KCNK10: variants seen among roughly 807,000 people sequenced by gnomAD.
KCNK10 encodes the protein potassium two pore domain channel subfamily K member 10, also known as potassium channel subfamily K member 10.
Under a neutral mutation model 47.7 loss-of-function variants are expected in KCNK10, and 25 were observed. The ratio of observed to expected loss-of-function variants is 0.52; its 90% CI spans 0.38 to 0.73. KCNK10 has a LOEUF of 0.73. Ranked by LOEUF, KCNK10 falls within the 30% of genes least tolerant of loss-of-function variation. The pLI is 0.00. For synonymous variants in KCNK10, 303 were observed against 285.6 expected, an observed-to-expected ratio of 1.06 and a Z score of -0.61; for missense variants, 563 against 714.5, an observed-to-expected ratio of 0.79 and a Z score of 2.42.
chr14:88,180,622 A>G lies in KCNK10; in HGVS notation c.*4913T>C. On this transcript the variant is annotated 3_prime_UTR_variant, in exon 7 of 7. Transcript: ENST00000319231. ...TTTTCACCTAAGAATCAAGAACACA[A>G]AGTAGATACCAAATCTCAGGCACCT... is the stretch of plus-strand genomic sequence containing the variant. 2.5e-6 allele frequency: 1 copy of G among 396,694 alleles called. No individual in the cohort carries two copies. Among genetic ancestry groups the G allele is most frequent in the Non-Finnish European group, 4.4e-6 (1 of 225,204 alleles). 24.6% of individuals were successfully genotyped at this position (396,694 alleles called of 1,614,324 possible). A position where few individuals can be genotyped will look rare whatever the true frequency, so the allele number is the denominator to read the frequency against.
rs534965757 is a variant in KCNK10, at chr14:88,221,919, T to C, written c.681+5456A>G. 2.0e-5 allele frequency among the ~76,000 whole-genome samples: 3 copies of C among 152,294 alleles called. No individual in the cohort carries two copies. The East Asian group carries it at 5.8e-4, about 29-fold the overall frequency. ...TGAAAAGACATAGAGGAAACTTTTA[T>C]CCATATTTAAGTGAAATAAGCCAGT... On this transcript the variant is annotated intron_variant, in intron 4 of 6. Coordinates refer to ENST00000319231, the MANE Select transcript of KCNK10 (RefSeq NM_138317.3).
At chr14:88,216,577 G>A (rs886103056) in intron 4 of KCNK10, among the ~76,000 whole-genome samples, 1 of 152,160 alleles carries the variant, frequency 6.6e-6, no homozygotes, top group Non-Finnish European at 1.5e-5. Context: ...TATGTTAAAT[G>A]AAGGGAGGAA....
chr14:88,213,560 C>T (rs1019708810), intron 4 of KCNK10, among the ~76,000 whole-genome samples: 3 of 152,180 alleles, frequency 2.0e-5, no homozygotes, highest in African/African-American at 7.2e-5. Flanking sequence ...TAAAGCATCA[C>T]TAGACTTTCA....
At position 88,219,616 on chromosome 14, in the gene KCNK10, G is replaced by T. The variant is rs147691971; in HGVS notation, c.681+7759C>A. ...TGGCTAGCAGTTAATTGACATCTAT[G>T]TGAGACGTTATCATTTGCTTACTCC... On this transcript the variant is annotated intron_variant, in intron 4 of 6. Coordinates refer to ENST00000319231, the MANE Select transcript of KCNK10 (RefSeq NM_138317.3). 1.8e-3 allele frequency among the ~76,000 whole-genome samples: 267 copies of T among 152,326 alleles called. 3 individuals carry two copies. Among genetic ancestry groups the T allele is most frequent in the Middle Eastern group, 0.014 (4 of 294 alleles).
intron 3 of KCNK10, 57 bp from the exon 4 acceptor site, chr14:88,227,592 A>C: frequency 6.7e-7 from 1 of 1,488,304 alleles, no homozygotes; most frequent in Non-Finnish European, 9.0e-7. Flanking sequence ...TACTGACCAA[A>C]GAACTCACAG....
rs567587914 is a variant in KCNK10, at chr14:88,183,049, C to T, written c.*2486G>A. The T allele has an allele frequency of 6.6e-6, 1 of 152,468 alleles. No homozygotes were observed. Among genetic ancestry groups the T allele is most frequent in the East Asian group, 1.9e-4 (1 of 5,326 alleles). 9.4% of individuals were successfully genotyped at this position (152,468 alleles called of 1,614,324 possible). ...GTGTCCATGAAGCTAGAAAGACACA[C>T]ATACACACAAACACACACAATCACA... is the stretch of plus-strand genomic sequence containing the variant. On this transcript the variant is annotated 3_prime_UTR_variant, in exon 7 of 7. Transcript: ENST00000319231.
At chr14:88,202,318 T>C (rs572534885) in intron 4 of KCNK10, among the ~76,000 whole-genome samples, 1 of 152,304 alleles carries the variant, frequency 6.6e-6, no homozygotes, top group East Asian at 1.9e-4. Context: ...CGTCAGAGGA[T>C]CCTTGTCATT....
At chr14:88,312,642 T>G (rs1200343892) in intron 1 of KCNK10, among the ~76,000 whole-genome samples, 1 of 152,226 alleles carries the variant, frequency 6.6e-6, no homozygotes, top group East Asian at 1.9e-4. Flanking sequence ...AGGGACTCTG[T>G]AAGAGAAGTG....
chr14:88,207,601 G>A (rs1595081036), intron 4 of KCNK10, among the ~76,000 whole-genome samples: 2 of 152,130 alleles, frequency 1.3e-5, no homozygotes, highest in East Asian at 3.9e-4. Context: ...TCAAGTAACT[G>A]GGACCTAGTC....
chr14:88,312,991 A>C (rs548840203), intron 1 of KCNK10, among the ~76,000 whole-genome samples: 1 of 152,222 alleles, frequency 6.6e-6, no homozygotes, highest in South Asian at 2.1e-4. Flanking sequence ...TGCAGGCTTA[A>C]ACAAAATTAA....
intron 3 of KCNK10, among the ~76,000 whole-genome samples, chr14:88,236,269 T>C (rs1257780475): frequency 6.6e-6 from 1 of 151,976 alleles, no homozygotes; most frequent in Non-Finnish European, 1.5e-5. Flanking sequence ...GTGAGCTATG[T>C]TCATACCACT....
At position 88,186,287 on chromosome 14, in the gene KCNK10, C is replaced by A. The variant is rs960117019; in HGVS notation, c.1012-132G>T. 5 of 1,067,340 alleles carry A rather than the reference C, an allele frequency of 4.7e-6. No individual in the cohort carries two copies. In the East Asian group the frequency reaches 1.1e-4, roughly 23 times the overall value. 66.1% of individuals were successfully genotyped at this position (1,067,340 alleles called of 1,614,324 possible). A position where few individuals can be genotyped will look rare whatever the true frequency, so the allele number is the denominator to read the frequency against. ...CGGAGCACATGCCCAGGGGGAGGTG[C>A]AAATGCTACCTTCTGCCCTAGTACT... On this transcript the variant is annotated intron_variant, in intron 6 of 6. Transcript: ENST00000319231. The surrounding 1 kb of genome is among the most constrained non-coding windows in gnomAD (Gnocchi z 5.5).
At chr14:88,207,168 C>CTTTTT (rs55711197) in intron 4 of KCNK10, among the ~76,000 whole-genome samples, 21 of 107,744 alleles carry the variant, frequency 1.9e-4, no homozygotes, top group African/African-American at 4.9e-4. Context: ...AGGTCACTCT[C>CTTTTT]TTTTTTTTTT....
chr14:88,220,097 G>T (rs1885748722), intron 4 of KCNK10, among the ~76,000 whole-genome samples: 1 of 152,220 alleles, frequency 6.6e-6, no homozygotes, highest in East Asian at 1.9e-4. Context: ...AAAATTGGAG[G>T]ACTGACACTA....
At chr14:88,218,803 T>C (rs1390636906) in intron 4 of KCNK10, among the ~76,000 whole-genome samples, 1 of 152,148 alleles carries the variant, frequency 6.6e-6, no homozygotes, top group Non-Finnish European at 1.5e-5. Context: ...AGAGGCCGCC[T>C]GCTTCCAAAA....
chr14:88,244,433 C>A (rs1214246336), intron 2 of KCNK10, among the ~76,000 whole-genome samples: 2 of 152,158 alleles, frequency 1.3e-5, no homozygotes, highest in African/African-American at 4.8e-5. Context: ...CTTTGGGAGG[C>A]CAAGGCAGGT....
intron 2 of KCNK10, among the ~76,000 whole-genome samples, chr14:88,258,010 C>T (rs1159752369): frequency 5.3e-5 from 8 of 152,048 alleles, no homozygotes; most frequent in African/African-American, 9.7e-5. Flanking sequence ...AAAATGTCTC[C>T]GGACATTGCC....
chr14:88,244,635 TC>T (rs1236517993), intron 2 of KCNK10, among the ~76,000 whole-genome samples: 1 of 151,718 alleles, frequency 6.6e-6, no homozygotes, highest in Non-Finnish European at 1.5e-5. Context: ...GCTACTGCAC[TC>T]CAGCCTGGGC....
At chr14:88,295,400 C>T (rs1429700791) in intron 1 of KCNK10, among the ~76,000 whole-genome samples, 2 of 152,158 alleles carry the variant, frequency 1.3e-5, no homozygotes, top group Non-Finnish European at 2.9e-5. Context: ...GGTGGCTCAC[C>T]TATAATCCCA....
Sources: allele counts gnomAD v4.1 joint callset (sites outside exome capture counted in the v4.1 genomes callset), GRCh38; gene constraint gnomAD v4.1.1; non-coding constraint Gnocchi (gnomAD v3.1); transcripts MANE v1.5; gene names NCBI Gene and HGNC (gene_info 2026-07-23, HGNC 2026-07-21).